CCR5AS: variants seen among roughly 807,000 people sequenced by gnomAD.
CCR5AS encodes the protein CCR5 antisense RNA.
rs144522206 is a variant in CCR5AS at position 46,406,644 on chromosome 3, G to A, written n.163+253C>T. On this transcript the variant is annotated intron_variant and non_coding_transcript_variant, in intron 1 of 3. Transcript: ENST00000451485. ...TTCCTCCTCTGGGTTCTCCTTTTCC[G>A]AGTGGGGTCAGCTCCCCCATGAGTC... 6.6e-5 allele frequency among the ~76,000 whole-genome samples: 10 copies of A among 152,148 alleles called. No homozygotes were observed. The East Asian group carries it at 1.7e-3, about 27-fold the overall frequency.
chr3:46,380,287 G>T (rs1456654719), intron 2 of CCR5AS, among the ~76,000 whole-genome samples: 2 of 152,182 alleles, frequency 1.3e-5, no homozygotes, highest in African/African-American at 4.8e-5. Flanking sequence ...GCCCTGTAAA[G>T]AATGTCTGGT....
exon 3 of CCR5AS, chr3:46,371,312 G>A (rs572840507): frequency 6.6e-6 from 1 of 152,260 alleles, no homozygotes; most frequent in South Asian, 2.1e-4. Context: ...TTCTGCTAAG[G>A]AGAACTAAAC....
intron 1 of CCR5AS, among the ~76,000 whole-genome samples, chr3:46,401,153 G>A (rs1345796175): frequency 6.6e-6 from 1 of 152,124 alleles, no homozygotes; most frequent in Non-Finnish European, 1.5e-5. Flanking sequence ...CTGAGGAGTT[G>A]GCCAAACATG....
chr3:46,398,708 CT>C (rs1348693594), intron 1 of CCR5AS, among the ~76,000 whole-genome samples: 8 of 151,896 alleles, frequency 5.3e-5, no homozygotes, highest in Admixed American at 2.0e-4. Flanking sequence ...TTTTTCTTGT[CT>C]TTTTTTCTTT....
intron 3 of CCR5AS, among the ~76,000 whole-genome samples, chr3:46,369,875 G>A (rs919754256): frequency 6.6e-6 from 1 of 152,146 alleles, no homozygotes; most frequent in Admixed American, 6.5e-5. Flanking sequence ...AGGATTGGGG[G>A]CACGTAATTT....
chr3:46,368,923 T>A (rs1029607546), intron 3 of CCR5AS, among the ~76,000 whole-genome samples: 1 of 152,172 alleles, frequency 6.6e-6, no homozygotes, highest in Non-Finnish European at 1.5e-5. Context: ...AGAAATACAG[T>A]GTTGGTCCGG....
chr3:46,392,510 G>A (rs1341985672), intron 2 of CCR5AS, among the ~76,000 whole-genome samples: 1 of 152,182 alleles, frequency 6.6e-6, no homozygotes, highest in African/African-American at 2.4e-5. Flanking sequence ...ATGTGGGTTA[G>A]CAGCCAAAGC....
At chr3:46,393,232 A>G (rs112195154) in intron 1 of CCR5AS, among the ~76,000 whole-genome samples, 1 of 152,108 alleles carries the variant, frequency 6.6e-6, no homozygotes, top group African/African-American at 2.4e-5. Context: ...AGGTCAATTG[A>G]TCAGTTGGGG....
intron 2 of CCR5AS, among the ~76,000 whole-genome samples, chr3:46,387,656 G>A (rs1411223838): frequency 6.6e-6 from 1 of 152,180 alleles, no homozygotes; most frequent in Non-Finnish European, 1.5e-5. Context: ...GGCAGAGAAG[G>A]AGGATTTCTT....
intron 1 of CCR5AS, among the ~76,000 whole-genome samples, chr3:46,393,685 T>C (rs891838811): frequency 6.6e-6 from 1 of 151,990 alleles, no homozygotes; most frequent in African/African-American, 2.4e-5. Flanking sequence ...GAGGTAAGAG[T>C]ATGCAGATAG....
At chr3:46,377,782 T>A (rs944616039) in intron 2 of CCR5AS, among the ~76,000 whole-genome samples, 12 of 152,188 alleles carry the variant, frequency 7.9e-5, no homozygotes, top group Admixed American at 2.6e-4. Flanking sequence ...CTCGGCTCAC[T>A]GCAACCACTG....
intron 1 of CCR5AS, among the ~76,000 whole-genome samples, chr3:46,402,097 T>G (rs1702010097): frequency 6.6e-6 from 1 of 152,196 alleles, no homozygotes; most frequent in African/African-American, 2.4e-5. Context: ...ATCCTTTTTT[T>G]TACACTTTTT....
At chr3:46,405,089 G>C (rs1444782611) in intron 1 of CCR5AS, among the ~76,000 whole-genome samples, 1 of 152,216 alleles carries the variant, frequency 6.6e-6, no homozygotes, top group Non-Finnish European at 1.5e-5. Flanking sequence ...ATAATAAAGA[G>C]AACTTTCCTT....
At chr3:46,372,423 AG>A (rs971053795) in intron 2 of CCR5AS, among the ~76,000 whole-genome samples, 1 of 151,970 alleles carries the variant, frequency 6.6e-6, no homozygotes, top group Non-Finnish European at 1.5e-5. Flanking sequence ...AGCCACTTGG[AG>A]GGGTGAGGTG....
At chr3:46,391,125 G>A (rs1011197285) in intron 2 of CCR5AS, among the ~76,000 whole-genome samples, 1 of 152,228 alleles carries the variant, frequency 6.6e-6, no homozygotes, top group Admixed American at 6.5e-5. Flanking sequence ...AAGTTGAACA[G>A]TCTGATTTCC....
intron 2 of CCR5AS, among the ~76,000 whole-genome samples, chr3:46,378,576 G>T (rs971737489): frequency 6.6e-6 from 1 of 152,208 alleles, no homozygotes; most frequent in African/African-American, 2.4e-5. Flanking sequence ...AAACCAGCAA[G>T]GGTGTTCAAC....
At chr3:46,368,072 A>T (rs1467941078) in intron 3 of CCR5AS, among the ~76,000 whole-genome samples, 2 of 152,122 alleles carry the variant, frequency 1.3e-5, no homozygotes, top group Non-Finnish European at 2.9e-5. Flanking sequence ...CATCCTGTTG[A>T]CGATGCTCTG....
intron 1 of CCR5AS, among the ~76,000 whole-genome samples, chr3:46,393,637 G>T (rs2106773109): frequency 6.6e-6 from 1 of 152,242 alleles, no homozygotes; most frequent in Non-Finnish European, 1.5e-5. Flanking sequence ...GCTGGTGCTA[G>T]GGTTACAACA....
chr3:46,373,832 C>T (rs753392986), intron 2 of CCR5AS: 2 of 1,614,126 alleles, frequency 1.2e-6, no homozygotes, highest in Admixed American at 1.7e-5. Context: ...ACCTCTTAGT[C>T]TTCTTCCAAA....
Sources: allele counts gnomAD v4.1 joint callset (sites outside exome capture counted in the v4.1 genomes callset), GRCh38; gene constraint gnomAD v4.1.1; transcripts MANE v1.5; gene names NCBI Gene and HGNC (gene_info 2026-07-23, HGNC 2026-07-21).